The following PRIM2 variants were observed in gnomAD, a reference collection of about 807,000 sequenced individuals.
PRIM2 encodes the protein DNA primase subunit 2, also known as DNA primase large subunit.
In PRIM2, 39 loss-of-function variants were observed where a neutral mutation model predicts 67.3. The ratio of observed to expected loss-of-function variants is 0.58; its 90% CI spans 0.45 to 0.76. The LOEUF is 0.76. PRIM2 is among the 30% of genes least tolerant of loss of function. PRIM2 has a pLI of 0.00. For missense variants in PRIM2, 398 were observed against 598.7 expected, an observed-to-expected ratio of 0.66 and a Z score of 3.50; for synonymous variants, 143 against 198.7, an observed-to-expected ratio of 0.72 and a Z score of 2.36.
intron 5 of PRIM2, among the ~76,000 whole-genome samples, chr6:57,346,273 A>C (rs1323898608): frequency 3.9e-5 from 6 of 152,086 alleles, no homozygotes; most frequent in Admixed American, 1.3e-4. Context: ...AGTGTTACTC[A>C]TGGTTTCTGA....
the PRIM2 span, among the ~76,000 whole-genome samples, chr6:57,245,778 G>A: frequency 6.6e-6 from 1 of 152,230 alleles, no homozygotes. Context: ...TCTGATGCCA[G>A]AATATGGAGG....
intron 10 of PRIM2, among the ~76,000 whole-genome samples, chr6:57,573,476 G>C (rs1775899088): frequency 6.6e-6 from 1 of 151,798 alleles, no homozygotes; most frequent in South Asian, 2.1e-4. Flanking sequence ...AAGTTCTTCA[G>C]GAACAGCATT....
chr6:57,334,902 G>A (rs1054543854), intron 5 of PRIM2, among the ~76,000 whole-genome samples: 69 of 152,032 alleles, frequency 4.5e-4, no homozygotes, highest in African/African-American at 1.5e-3. Flanking sequence ...AGCTCCCAGC[G>A]TGAGCGACAC....
intron 7 of PRIM2, among the ~76,000 whole-genome samples, chr6:57,458,990 A>G (rs1353898104): frequency 6.6e-6 from 1 of 152,196 alleles, no homozygotes; most frequent in Non-Finnish European, 1.5e-5. Context: ...TAGTATGAAC[A>G]AAAAAATAAC....
chr6:57,627,351 AT>A (rs1776968685), intron 12 of PRIM2, among the ~76,000 whole-genome samples: 1 of 149,232 alleles, frequency 6.7e-6, no homozygotes, highest in African/African-American at 2.5e-5. Context: ...TTACCAAAAT[AT>A]TGTAGTTTGA....
intron 5 of PRIM2, among the ~76,000 whole-genome samples, chr6:57,333,244 T>A (rs912628702): frequency 9.2e-5 from 14 of 152,310 alleles, no homozygotes; most frequent in Middle Eastern, 3.4e-3. Flanking sequence ...CTAGATTGTA[T>A]GAAAAATGTA....
chr6:57,430,217 C>T (rs1202981080), intron 7 of PRIM2, among the ~76,000 whole-genome samples: 1 of 151,948 alleles, frequency 6.6e-6, no homozygotes, highest in Non-Finnish European at 1.5e-5. Context: ...AAAATCAGTG[C>T]TTGAGTGAGA....
intron 7 of PRIM2, among the ~76,000 whole-genome samples, chr6:57,411,427 T>TA (rs1207157093): frequency 6.6e-6 from 1 of 151,444 alleles, no homozygotes; most frequent in Non-Finnish European, 1.5e-5. Context: ...CTTGTCTCTA[T>TA]AAAAAGTATG....
the PRIM2 span, among the ~76,000 whole-genome samples, chr6:57,292,448 T>C: frequency 2.0e-5 from 3 of 152,086 alleles, no homozygotes; most frequent in African/African-American, 7.2e-5. Context: ...TTCAATGCCA[T>C]CCCCATCAAG....
At chr6:57,378,588 G>GT (rs1451794254) in intron 5 of PRIM2, among the ~76,000 whole-genome samples, 1 of 152,160 alleles carries the variant, frequency 6.6e-6, no homozygotes, top group Non-Finnish European at 1.5e-5. Context: ...ATACTTTGAG[G>GT]TGTAATGTGA....
chr6:57,480,703 A>G (rs1428681210), intron 7 of PRIM2, among the ~76,000 whole-genome samples: 61 of 152,282 alleles, frequency 4.0e-4, no homozygotes, highest in Admixed American at 7.8e-4. Context: ...ATCTCCGCTC[A>G]CTGCAACCTC....
chr6:57,590,527 G>A (rs1256181090), intron 10 of PRIM2, among the ~76,000 whole-genome samples: 57 of 152,116 alleles, frequency 3.7e-4, no homozygotes, highest in Non-Finnish European at 3.1e-4. Context: ...GGAAATAAAC[G>A]TCACGGGTAA....
the PRIM2 span, among the ~76,000 whole-genome samples, chr6:57,292,433 A>G: frequency 2.6e-5 from 4 of 152,182 alleles, no homozygotes; most frequent in Non-Finnish European, 5.9e-5. Flanking sequence ...AAGGTAATTT[A>G]TAGATTCAAT....
chr6:57,619,410 A>G (rs1776812306), intron 12 of PRIM2, among the ~76,000 whole-genome samples: 1 of 152,194 alleles, frequency 6.6e-6, no homozygotes, highest in Non-Finnish European at 1.5e-5. Context: ...GATCCAAACC[A>G]AGAAGAAATC....
intron 5 of PRIM2, among the ~76,000 whole-genome samples, chr6:57,365,949 CAAAAAAAAAA>C (rs5876544): frequency 1.6e-5 from 1 of 62,646 alleles, no homozygotes; most frequent in African/African-American, 5.3e-5. Context: ...GACCATATCT[CAAAAAAAAAA>C]AAAAAAAAAA....
At chr6:57,373,722 GT>G (rs1351250138) in intron 5 of PRIM2, among the ~76,000 whole-genome samples, 1 of 152,114 alleles carries the variant, frequency 6.6e-6, no homozygotes, top group East Asian at 1.9e-4. Flanking sequence ...CCTGTTGCTT[GT>G]TTTTGTTAGG....
At chr6:57,437,856 G>A (rs1011310066) in intron 7 of PRIM2, among the ~76,000 whole-genome samples, 1 of 151,882 alleles carries the variant, frequency 6.6e-6, no homozygotes, top group African/African-American at 2.4e-5. Flanking sequence ...GTAGGGATGG[G>A]GTTTCACCAT....
chr6:57,522,130 T>C (rs1774638475), intron 8 of PRIM2, among the ~76,000 whole-genome samples: 1 of 152,012 alleles, frequency 6.6e-6, no homozygotes, highest in Non-Finnish European at 1.5e-5. Flanking sequence ...ATAGTATAAA[T>C]GGCAAACTAT....
intron 5 of PRIM2, among the ~76,000 whole-genome samples, chr6:57,334,637 A>G (rs1768162031): frequency 6.6e-6 from 1 of 152,110 alleles, no homozygotes; most frequent in African/African-American, 2.4e-5. Context: ...ACCCTGGGCT[A>G]CAGAACAAGA....
Sources: gnomAD v4.1 joint callset for allele counts (sites outside exome capture counted in the v4.1 genomes callset) on GRCh38, gnomAD v4.1.1 for gene constraint, MANE v1.5 for transcripts, NCBI Gene and HGNC (gene_info 2026-07-23, HGNC 2026-07-21) for gene names.